The following MACROD2 variants were observed in gnomAD, a reference collection of about 807,000 sequenced individuals.
MACROD2 encodes the protein ADP-ribose glycohydrolase MACROD2.
A neutral mutation model predicts 70.4 loss-of-function variants in MACROD2; 36 were observed. That is an observed-to-expected ratio of 0.51 (90% CI 0.39 to 0.68). The LOEUF is 0.68. Ranked by LOEUF, MACROD2 falls within the 30% of genes least tolerant of loss-of-function variation. MACROD2 has a pLI of 0.00. For synonymous variants in MACROD2, 172 were observed against 178.8 expected (o/e 0.96, Z 0.30); for missense variants, 496 against 538.4 (o/e 0.92, Z 0.78).
rs527392222 is a variant in MACROD2, at chr20:16,050,060, G to GA, written c.*193dup. ...TCTGCAGAAAAAGAAAGAAAAAAAAGAAAAAAAAAGTTTCCTTTAATTTGG... is the reference window on the plus strand; with the variant it reads ...TCTGCAGAAAAAGAAAGAAAAAAAAGAAAAAAAAAAGTTTCCTTTAATTTGG... On this transcript the variant is annotated 3_prime_UTR_variant, in exon 18 of 18. Transcript: ENST00000684519. 178 of 545,756 alleles carry GA rather than the reference G, an allele frequency of 3.3e-4. No individual in the cohort carries two copies. The highest frequency in any genetic ancestry group is 4.9e-4 in the South Asian group (16 of 32,668). 33.8% of individuals were successfully genotyped at this position (545,756 alleles called of 1,614,324 possible). A position where few individuals can be genotyped will look rare whatever the true frequency, so the allele number is the denominator to read the frequency against.
chr20:14,065,730 G>T (rs2053747581), intron 2 of MACROD2, among the ~76,000 whole-genome samples: 2 of 152,196 alleles, frequency 1.3e-5, no homozygotes, highest in South Asian at 4.1e-4. Flanking sequence ...GTACCACAGA[G>T]CTAGTAAGCG....
At chr20:15,635,876 T>C (rs540554007) in intron 8 of MACROD2, among the ~76,000 whole-genome samples, 1,565 of 152,034 alleles carry the variant, frequency 0.01, 10 homozygotes, top group Non-Finnish European at 0.017. Context: ...GAGACCAGCC[T>C]GGCCAACATG....
At chr20:14,775,261 C>T (rs1287374031) in intron 5 of MACROD2, among the ~76,000 whole-genome samples, 1 of 151,976 alleles carries the variant, frequency 6.6e-6, no homozygotes, top group Non-Finnish European at 1.5e-5. Flanking sequence ...TAGCAAGTGG[C>T]TGTATTAGTC....
At chr20:15,423,797 AT>A (rs1249316918) in intron 6 of MACROD2, among the ~76,000 whole-genome samples, 1 of 152,028 alleles carries the variant, frequency 6.6e-6, no homozygotes, top group Non-Finnish European at 1.5e-5. Flanking sequence ...ACAACATTGC[AT>A]TTATACTACT....
At chr20:14,365,205 G>A (rs2083260754) in intron 3 of MACROD2, among the ~76,000 whole-genome samples, 1 of 151,826 alleles carries the variant, frequency 6.6e-6, no homozygotes, top group Non-Finnish European at 1.5e-5. Flanking sequence ...GGCAGTTTTT[G>A]TGTTTCTAGG....
chr20:15,325,661 T>C (rs879490494), intron 6 of MACROD2, among the ~76,000 whole-genome samples: 17 of 152,186 alleles, frequency 1.1e-4, no homozygotes, highest in Non-Finnish European at 1.9e-4. Context: ...ATGGCCTGTC[T>C]GCATCCTAAC....
intron 4 of MACROD2, among the ~76,000 whole-genome samples, chr20:14,571,043 T>C (rs528426462): frequency 6.6e-6 from 1 of 152,164 alleles, no homozygotes; most frequent in East Asian, 1.9e-4. Context: ...ACTCCAAGGA[T>C]TTTGAATTGG....
At chr20:15,073,261 T>TTC in intron 5 of MACROD2, among the ~76,000 whole-genome samples, 1 of 152,108 alleles carries the variant, frequency 6.6e-6, no homozygotes, top group Non-Finnish European at 1.5e-5. Flanking sequence ...AAACTATGAA[T>TTC]ATGTCTCCAA....
intron 3 of MACROD2, among the ~76,000 whole-genome samples, chr20:14,134,382 C>T (rs1193449990): frequency 6.6e-6 from 1 of 152,218 alleles, no homozygotes; most frequent in Non-Finnish European, 1.5e-5. Flanking sequence ...ATTCCCCTAA[C>T]CACTTTGATC....
intron 9 of MACROD2, among the ~76,000 whole-genome samples, chr20:15,879,521 C>A (rs908760366): frequency 6.6e-6 from 1 of 152,022 alleles, no homozygotes; most frequent in African/African-American, 2.4e-5. Flanking sequence ...CAAATAATTG[C>A]AAAATATTAA....
intron 3 of MACROD2, among the ~76,000 whole-genome samples, chr20:14,177,203 A>G (rs1425259543): frequency 6.6e-6 from 1 of 152,162 alleles, no homozygotes; most frequent in Non-Finnish European, 1.5e-5. Context: ...ATTGTTACAA[A>G]CATGTAACAA....
intron 5 of MACROD2, among the ~76,000 whole-genome samples, chr20:15,078,862 T>C (rs1568562279): frequency 6.6e-6 from 1 of 152,106 alleles, no homozygotes; most frequent in East Asian, 1.9e-4. Context: ...GTCAGGCTGG[T>C]CACAGACTCC....
chr20:16,037,273 C>G (rs1287779983), intron 15 of MACROD2, among the ~76,000 whole-genome samples: 2 of 151,978 alleles, frequency 1.3e-5, no homozygotes, highest in Admixed American at 6.6e-5. Flanking sequence ...TGTACCCTCC[C>G]TTATTTCACT....
chr20:14,519,705 C>T (rs1335731438), intron 4 of MACROD2, among the ~76,000 whole-genome samples: 1 of 152,046 alleles, frequency 6.6e-6, no homozygotes, highest in Non-Finnish European at 1.5e-5. Flanking sequence ...CCCAGCAACC[C>T]CATTATTGGG....
intron 5 of MACROD2, among the ~76,000 whole-genome samples, chr20:14,944,929 G>C (rs970166415): frequency 2.0e-5 from 3 of 152,004 alleles, no homozygotes; most frequent in Admixed American, 2.0e-4. Flanking sequence ...CCTATCATTT[G>C]TGGAAACGCC....
intron 8 of MACROD2, among the ~76,000 whole-genome samples, chr20:15,666,640 T>C (rs921636875): frequency 6.6e-6 from 1 of 152,190 alleles, no homozygotes; most frequent in Non-Finnish European, 1.5e-5. Context: ...AGTCAATACA[T>C]GAGTTTTAAT....
chr20:15,754,065 G>C (rs1341358349), intron 8 of MACROD2, among the ~76,000 whole-genome samples: 1 of 152,172 alleles, frequency 6.6e-6, no homozygotes, highest in Non-Finnish European at 1.5e-5. Context: ...AATGACTCAT[G>C]TAATAGTTAC....
chr20:14,854,388 A>G (rs1207938033), intron 5 of MACROD2, among the ~76,000 whole-genome samples: 1 of 152,168 alleles, frequency 6.6e-6, no homozygotes, highest in African/African-American at 2.4e-5. Context: ...TAGTTTTTCT[A>G]TAACTGTATT....
At chr20:14,593,093 CTG>C (rs1465163651) in intron 4 of MACROD2, among the ~76,000 whole-genome samples, 2 of 152,142 alleles carry the variant, frequency 1.3e-5, no homozygotes, top group Non-Finnish European at 2.9e-5. Flanking sequence ...TTATACGAAA[CTG>C]TATTTTTCTA....
Sources: allele counts gnomAD v4.1 joint callset (sites outside exome capture counted in the v4.1 genomes callset), GRCh38; gene constraint gnomAD v4.1.1; transcripts MANE v1.5; gene names NCBI Gene and HGNC (gene_info 2026-07-23, HGNC 2026-07-21).